The following COPZ1 variants were observed in gnomAD, a reference collection of about 807,000 sequenced individuals.
The protein encoded by COPZ1 is coat protein complex I subunit zeta 1.
A neutral mutation model predicts 31.7 loss-of-function variants in COPZ1; 4 were observed. That is an observed-to-expected ratio of 0.13 (90% CI 0.06 to 0.29). The LOEUF (loss-of-function observed/expected upper bound fraction) is 0.29, where lower values mean the gene tolerates loss of function less well. Ranked by LOEUF, COPZ1 falls within the 10% of genes least tolerant of loss-of-function variation. COPZ1 has a pLI of 1.00. For missense variants in COPZ1, 156 were observed against 211.5 expected (o/e 0.74, Z 1.63); for synonymous variants, 74 against 79.0 (o/e 0.94, Z 0.33).
intron 5 of COPZ1, 47 bp from the exon 6 acceptor site, chr12:54,347,720 T>C (rs1276363105): frequency 1.3e-6 from 2 of 1,560,254 alleles, no homozygotes; most frequent in South Asian, 1.1e-5. Context: ...CTAGGATTTC[T>C]TTCACATACA....
rs10522684 is a variant in COPZ1 at position 54,339,980 on chromosome 12, C to CGTGTGTGTGT, written c.19-536_19-527dup. ...TGCATTGAGAACTGGTGTGCCTGTGCGTGTGTGTGTGTGTGTGTGTGTGTG... is the reference window on the plus strand; with the variant it reads ...TGCATTGAGAACTGGTGTGCCTGTGCGTGTGTGTGTGTGTGTGTGTGTGTGTGTGTGTGTG... On this transcript the variant is annotated intron_variant, in intron 1 of 8. Transcript: ENST00000262061. Among the ~76,000 whole-genome samples the CGTGTGTGTGT allele has an allele frequency of 4.2e-3, 603 of 142,154 alleles. 5 individuals carry two copies. The highest frequency in any genetic ancestry group is 0.014 in the African/African-American group (546 of 38,782). The allele number at this position is 142,154 out of a possible 152,430, so 93.3% of individuals were successfully genotyped here. A position where few individuals can be genotyped will look rare whatever the true frequency, so the allele number is the denominator to read the frequency against.
At chr12:54,326,961 CTTTTTTTTTTTTTTTTTTTTTTTTTT>C (rs60827109) in intron 1 of COPZ1, among the ~76,000 whole-genome samples, 5 of 43,568 alleles carry the variant, frequency 1.1e-4, no homozygotes, top group East Asian at 5.4e-4. Flanking sequence ...AACAAGTATT[CTTTTTTTTTTTTTTTTTTTTTTTTTT>C]TTTTTTTTTT....
In COPZ1 at chr12:54,327,067, G is replaced by A. The variant is rs561443360; in HGVS notation, c.18+1886G>A. Among the ~76,000 whole-genome samples, 8 of 128,374 alleles carry A rather than the reference G, an allele frequency of 6.2e-5. No homozygotes were observed. In the South Asian group the frequency reaches 8.1e-4, roughly 13 times the overall value. 84.2% of individuals were successfully genotyped at this position (128,374 alleles called of 152,430 possible). A position where few individuals can be genotyped will look rare whatever the true frequency, so the allele number is the denominator to read the frequency against. On this transcript the variant is annotated intron_variant, in intron 1 of 8. Transcript: ENST00000262061. ...GCAATCTTGGCTCACTGCAACCTCC[G>A]CCTCCCAGAATCAAGCAATTCTCAT...
chr12:54,343,124 TG>T, intron 3 of COPZ1, 100 bp from the exon 4 acceptor site: 1 of 909,060 alleles, frequency 1.1e-6, no homozygotes, highest in Admixed American at 1.8e-5. Flanking sequence ...CCCAAGGTGC[TG>T]GGATTACAGG....
chr12:54,348,143 CAT>C, intron 7 of COPZ1, 92 bp downstream of exon 7: 1 of 1,042,954 alleles, frequency 9.6e-7, no homozygotes, highest in Non-Finnish European at 1.5e-6. Context: ...AGTTGGGGCT[CAT>C]AGGATACATA....
intron 7 of COPZ1, among the ~76,000 whole-genome samples, chr12:54,349,291 T>TG (rs1488915182): frequency 2.6e-5 from 4 of 152,142 alleles, no homozygotes; most frequent in African/African-American, 9.7e-5. Context: ...AGAAAAGGCC[T>TG]TTTCTGACTA....
intron 7 of COPZ1, 93 bp from the exon 8 acceptor site, chr12:54,349,527 A>T: frequency 2.0e-6 from 2 of 1,007,806 alleles, no homozygotes; most frequent in Non-Finnish European, 3.2e-6. Context: ...GTTTCAGTTT[A>T]AAGGATCACT....
intron 7 of COPZ1, 40 bp from the exon 8 acceptor site, chr12:54,349,580 G>A: frequency 6.4e-7 from 1 of 1,569,634 alleles, no homozygotes; most frequent in Non-Finnish European, 8.8e-7. Context: ...TCTTACTCCA[G>A]CTTTCTCCCA....
At chr12:54,347,106 A>G (rs1227880757) in intron 5 of COPZ1, among the ~76,000 whole-genome samples, 1 of 152,208 alleles carries the variant, frequency 6.6e-6, no homozygotes, top group East Asian at 1.9e-4. Flanking sequence ...AGCAGGGTGA[A>G]TGGCTCAGAT....
At chr12:54,347,582 A>G (rs940042082) in intron 5 of COPZ1, among the ~76,000 whole-genome samples, 185 bp from the exon 6 acceptor site, 6 of 152,210 alleles carry the variant, frequency 3.9e-5, no homozygotes, top group African/African-American at 9.6e-5. Flanking sequence ...TACATTCCTT[A>G]TTCAGCAAAC....
rs749468629 is a variant in COPZ1 at position 54,348,058 on chromosome 12, A to G, written c.447+7A>G. 1.2e-6 allele frequency: 2 copies of G among 1,613,810 alleles called. No homozygotes were observed. The highest frequency in any genetic ancestry group is 4.5e-5 in the East Asian group (2 of 44,886). ...ACACCGGGTGGCATTAAGGGTAAGC[A>G]AGAATGTGTTTCTTTGCATCCCCGC... On this transcript the variant is annotated splice_region_variant and intron_variant, in intron 7 of 8. Transcript: ENST00000262061.
Position 54,342,847 on chromosome 12 carries a change from C to T in COPZ1, c.170-378C>T, listed in dbSNP as rs114583399. ...GCTGGATACTAGGAATTCATGGTAA[C>T]GCCTTCTTTTTTTTTTTTTTTTTTT... is the stretch of plus-strand genomic sequence containing the variant. On this transcript the variant is annotated intron_variant, in intron 3 of 8. Transcript: ENST00000262061. Among the ~76,000 whole-genome samples the T allele has an allele frequency of 8.9e-3, 1,258 of 142,028 alleles. 18 individuals are homozygous for T. Among genetic ancestry groups the T allele is most frequent in the African/African-American group, 0.032 (1,211 of 37,428 alleles). The allele number at this position is 142,028 out of a possible 152,430, so 93.2% of individuals were successfully genotyped here.
intron 5 of COPZ1, among the ~76,000 whole-genome samples, chr12:54,345,863 A>G (rs1199363016): frequency 6.6e-6 from 1 of 151,646 alleles, no homozygotes; most frequent in Non-Finnish European, 1.5e-5. Context: ...AGGCTGAGGC[A>G]GGCGAATGGC....
At chr12:54,325,332 T>A in intron 1 of COPZ1, 151 bp downstream of exon 1, 1 of 1,049,942 alleles carries the variant, frequency 9.5e-7, no homozygotes, top group Non-Finnish European at 1.3e-6. Context: ...TGTGGCCTAG[T>A]GTAGGAGCTA....
chr12:54,339,496 C>A (rs953433159), intron 1 of COPZ1, among the ~76,000 whole-genome samples: 1 of 152,052 alleles, frequency 6.6e-6, no homozygotes, highest in Non-Finnish European at 1.5e-5. Flanking sequence ...TATAGATGCA[C>A]GCCACCACAC....
At chr12:54,340,377 C>A in intron 1 of COPZ1, 170 bp from the exon 2 acceptor site, 1 of 1,074,596 alleles carries the variant, frequency 9.3e-7, no homozygotes, top group Non-Finnish European at 1.3e-6. Context: ...AGTTTACTTA[C>A]CCTGGGTCTT....
intron 3 of COPZ1, among the ~76,000 whole-genome samples, chr12:54,342,844 T>G (rs1358043907): frequency 6.9e-6 from 1 of 144,876 alleles, no homozygotes; most frequent in Non-Finnish European, 1.5e-5. Flanking sequence ...GAATTCATGG[T>G]AACGCCTTCT....
In COPZ1 at chr12:54,342,265, CAACAAG is replaced by C; in HGVS notation, c.149_154del (p.Asn50_Lys51del). 2 of 1,613,922 alleles carry C rather than the reference CAACAAG, an allele frequency of 1.2e-6. No homozygotes were observed. The highest frequency in any genetic ancestry group is 2.2e-5 in the South Asian group (2 of 91,080). On this transcript the variant is annotated inframe_deletion, in exon 3 of 9. Coordinates refer to ENST00000262061, the MANE Select transcript of COPZ1 (RefSeq NM_016057.3). ...AAAAGGCCTTTGAGAAGAACATTTT[CAACAAG>C]ACCCATCGGACTGACAGTAGGTCAT... is the stretch of plus-strand genomic sequence containing the variant.
At chr12:54,337,320 T>C (rs757588362) in intron 1 of COPZ1, 3 of 533,784 alleles carry the variant, frequency 5.6e-6, no homozygotes, top group Non-Finnish European at 7.7e-6. Flanking sequence ...TTCTAGCAGC[T>C]ACCCATTTTG....
Sources: gnomAD v4.1 joint callset for allele counts (sites outside exome capture counted in the v4.1 genomes callset) on GRCh38, gnomAD v4.1.1 for gene constraint, MANE v1.5 for transcripts, NCBI Gene and HGNC (gene_info 2026-07-23, HGNC 2026-07-21) for gene names.